Variants in HECW1 observed in about 807,000 individuals in gnomAD.
The protein encoded by HECW1 is HECT, C2 and WW domain containing E3 ubiquitin protein ligase 1.
A neutral mutation model predicts 182.3 loss-of-function variants in HECW1; 61 were observed. The observed-to-expected ratio is 0.33, with a 90% CI of 0.27 to 0.41. The LOEUF (loss-of-function observed/expected upper bound fraction) is 0.41. Among genes scored for constraint, HECW1 ranks in the 10% least tolerant of loss-of-function variants. The pLI, the probability that HECW1 is intolerant of heterozygous loss-of-function variation, is 1.00. For synonymous variants in HECW1, 859 were observed against 832.6 expected (o/e 1.03, Z -0.55); for missense variants, 1,739 against 2,108.9 (o/e 0.82, Z 3.44).
At chr7:43,369,667 C>T (rs1028544618) in intron 6 of HECW1, among the ~76,000 whole-genome samples, 3 of 152,118 alleles carry the variant, frequency 2.0e-5, no homozygotes, top group Non-Finnish European at 4.4e-5. Flanking sequence ...TGAATCTTGA[C>T]ATGAATATAT....
chr7:43,126,462 T>A (rs6978743), intron 2 of HECW1, among the ~76,000 whole-genome samples: 1 of 151,964 alleles, frequency 6.6e-6, no homozygotes, highest in Non-Finnish European at 1.5e-5. Flanking sequence ...GCTACTGCCA[T>A]GCTATAATGG....
rs553219503 is a variant in HECW1 at position 43,122,148 on chromosome 7, G to A, written c.-32+7757G>A. Reference sequence around the variant, plus strand: ...GAAGAATGAATGAAGTACATAGCTGGCATCTTAAATTTCTAATACCCTTGT... The same window carrying A: ...GAAGAATGAATGAAGTACATAGCTGACATCTTAAATTTCTAATACCCTTGT... On this transcript the variant is annotated intron_variant, in intron 2 of 29. Coordinates refer to ENST00000395891, the MANE Select transcript of HECW1 (RefSeq NM_015052.5). 5.9e-5 allele frequency: 9 copies of A among 152,272 alleles called. No homozygotes were observed. The East Asian group carries it at 1.4e-3, about 23-fold the overall frequency. 9.4% of individuals were successfully genotyped at this position (152,272 alleles called of 1,614,324 possible). A position where few individuals can be genotyped will look rare whatever the true frequency, so the allele number is the denominator to read the frequency against.
intron 8 of HECW1, among the ~76,000 whole-genome samples, chr7:43,416,218 CCTTT>C (rs2075989876): frequency 6.6e-6 from 1 of 150,408 alleles, no homozygotes; most frequent in Non-Finnish European, 1.5e-5. Context: ...GTGTGGATGT[CCTTT>C]CTGTTTGTTA....
intron 8 of HECW1, among the ~76,000 whole-genome samples, chr7:43,412,424 CT>C (rs869293247): frequency 2.5e-5 from 3 of 120,128 alleles, no homozygotes; most frequent in African/African-American, 9.2e-5. Context: ...CTTTTCATTT[CT>C]TTTATTTATT....
intron 6 of HECW1, among the ~76,000 whole-genome samples, chr7:43,380,135 T>C (rs900675501): frequency 2.0e-5 from 3 of 152,228 alleles, no homozygotes; most frequent in Non-Finnish European, 2.9e-5. Flanking sequence ...TCACTGCAAC[T>C]TTGACCTCCT....
intron 2 of HECW1, among the ~76,000 whole-genome samples, chr7:43,167,617 T>C (rs1346390023): frequency 6.6e-6 from 1 of 152,008 alleles, no homozygotes; most frequent in Non-Finnish European, 1.5e-5. Flanking sequence ...TCAAGAAATG[T>C]GTGTTCAGGA....
chr7:43,463,850 G>T, intron 14 of HECW1, 51 bp downstream of exon 14: 1 of 1,595,670 alleles, frequency 6.3e-7, no homozygotes, highest in Non-Finnish European at 8.6e-7. Context: ...GGGGCTGTGT[G>T]ACAGAGGGCT....
chr7:43,438,786 A>G (rs2076789232), intron 9 of HECW1: 1 of 152,224 alleles, frequency 6.6e-6, no homozygotes, highest in African/African-American at 2.4e-5. Context: ...TATAATATGT[A>G]TTTCTTTAGG....
chr7:43,334,205 A>G lies in HECW1; in HGVS notation c.460+13463A>G, dbSNP rs1562850330. 2.0e-5 allele frequency among the ~76,000 whole-genome samples: 3 copies of G among 152,116 alleles called. 1 individual carries two copies. The highest frequency in any genetic ancestry group is 1.9e-4 in the East Asian group (1 of 5,192). On this transcript the variant is annotated intron_variant, in intron 5 of 29. Transcript: ENST00000395891. ...TACTTTCGCAGCTTCTGTGCATCTT[A>G]TCTACCCAGGACCAATTCGGAGGTC...
intron 3 of HECW1, among the ~76,000 whole-genome samples, chr7:43,307,915 T>C (rs1170647958): frequency 4.9e-4 from 67 of 138,026 alleles, no homozygotes; most frequent in African/African-American, 1.6e-3. Flanking sequence ...TATATATATA[T>C]ATACACACAC....
At chr7:43,356,366 T>C (rs1020107287) in intron 5 of HECW1, among the ~76,000 whole-genome samples, 1 of 152,194 alleles carries the variant, frequency 6.6e-6, no homozygotes, top group Non-Finnish European at 1.5e-5. Context: ...TGAAAATCTA[T>C]GCATATCTAT....
intron 8 of HECW1, among the ~76,000 whole-genome samples, chr7:43,412,314 C>T (rs1020112044): frequency 4.0e-5 from 6 of 151,682 alleles, no homozygotes; most frequent in South Asian, 2.1e-4. Flanking sequence ...CCCTACATGA[C>T]GATGTTAAAA....
intron 17 of HECW1, among the ~76,000 whole-genome samples, chr7:43,484,866 C>T (rs1344667887): frequency 2.0e-5 from 3 of 152,198 alleles, no homozygotes; most frequent in African/African-American, 7.2e-5. Context: ...CCTTATCTCT[C>T]CTCAGAATGT....
intron 3 of HECW1, among the ~76,000 whole-genome samples, chr7:43,278,261 A>G (rs1803426066): frequency 6.6e-6 from 1 of 152,008 alleles, no homozygotes; most frequent in South Asian, 2.1e-4. Flanking sequence ...GTGAACAGCG[A>G]TTCCCTCCTT....
intron 15 of HECW1, among the ~76,000 whole-genome samples, chr7:43,467,231 T>C (rs1159704264): frequency 6.6e-6 from 1 of 152,028 alleles, no homozygotes; most frequent in Non-Finnish European, 1.5e-5. Context: ...ATCAGCCCAG[T>C]GTGACAGGAC....
intron 5 of HECW1, among the ~76,000 whole-genome samples, chr7:43,355,617 G>A (rs187676157): frequency 3.3e-5 from 5 of 150,816 alleles, no homozygotes; most frequent in South Asian, 2.1e-4. Context: ...AAAATAAAAA[G>A]CAAAAAAACA....
chr7:43,472,876 C>A (rs1343832193), intron 16 of HECW1, among the ~76,000 whole-genome samples: 7 of 152,150 alleles, frequency 4.6e-5, no homozygotes, highest in Non-Finnish European at 1.0e-4. Context: ...GACACAAAAA[C>A]AACCTCATGC....
chr7:43,437,867 C>A, intron 8 of HECW1, 136 bp from the exon 9 acceptor site: 1 of 872,104 alleles, frequency 1.1e-6, no homozygotes, highest in Non-Finnish European at 1.8e-6. Flanking sequence ...AGGTTCACAA[C>A]ATTTCTGAGA....
intron 2 of HECW1, among the ~76,000 whole-genome samples, chr7:43,190,466 T>G (rs1197122621): frequency 6.6e-6 from 1 of 152,172 alleles, no homozygotes; most frequent in Admixed American, 6.5e-5. Context: ...TATTTCTTCA[T>G]TGTACAACTA....
Sources: gnomAD v4.1 joint callset for allele counts (sites outside exome capture counted in the v4.1 genomes callset) on GRCh38, gnomAD v4.1.1 for gene constraint, MANE v1.5 for transcripts, NCBI Gene and HGNC (gene_info 2026-07-23, HGNC 2026-07-21) for gene names.